Variants in NCKAP1L observed in about 807,000 individuals in gnomAD.
The protein encoded by NCKAP1L is nck-associated protein 1-like.
A neutral mutation model predicts 139.2 loss-of-function variants in NCKAP1L; 53 were observed. That is an observed-to-expected ratio of 0.38 (90% CI 0.31 to 0.48). NCKAP1L has a LOEUF of 0.48. Among genes scored for constraint, NCKAP1L ranks in the 20% least tolerant of loss-of-function variants. NCKAP1L has a pLI of 0.98. For missense variants in NCKAP1L, 1,151 were observed against 1,381.9 expected, an observed-to-expected ratio of 0.83 and a Z score of 2.65; for synonymous variants, 468 against 499.7, an observed-to-expected ratio of 0.94 and a Z score of 0.85.
chr12:54,521,912 G>T (rs936557572), intron 18 of NCKAP1L, among the ~76,000 whole-genome samples: 5 of 151,904 alleles, frequency 3.3e-5, no homozygotes, highest in African/African-American at 1.2e-4. Flanking sequence ...GTGTGTGTGT[G>T]TGTATACAGA....
In NCKAP1L at chr12:54,531,426, G is replaced by T. The variant is rs144700335; in HGVS notation, c.2605-65G>T. The T allele has an allele frequency of 6.0e-4, 971 of 1,606,378 alleles. 7 individuals carry two copies. The highest frequency in any genetic ancestry group is 1.4e-3 in the South Asian group (129 of 90,864). The stretch of plus-strand genomic sequence containing the variant: ...GAAAGAGGGTGGGTATAGGAGACTG[G>T]GGGGGAAGATGTAACATTGGTCTCT... On this transcript the variant is annotated intron_variant, in intron 23 of 30. Transcript: ENST00000293373.
intron 30 of NCKAP1L, 124 bp downstream of exon 30, chr12:54,539,097 C>T (rs1287755036): frequency 2.8e-6 from 2 of 721,800 alleles, no homozygotes; most frequent in African/African-American, 1.8e-5. Context: ...GGACTTAACT[C>T]TGCATAACCC....
chr12:54,524,016 C>A, intron 20 of NCKAP1L, 60 bp downstream of exon 20: 2 of 1,548,546 alleles, frequency 1.3e-6, no homozygotes, highest in Non-Finnish European at 8.8e-7. Flanking sequence ...CCATATACCT[C>A]TATGTGTAGT....
intron 21 of NCKAP1L, 34 bp from the exon 22 acceptor site, chr12:54,528,213 A>G: frequency 6.2e-7 from 1 of 1,610,108 alleles, no homozygotes; most frequent in South Asian, 1.1e-5. Context: ...AAGGGATTGG[A>G]TCCTAATCTA....
chr12:54,500,767 T>A (rs1158614787), intron 3 of NCKAP1L, 142 bp downstream of exon 3: 1 of 629,994 alleles, frequency 1.6e-6, no homozygotes, highest in East Asian at 2.8e-5. Context: ...TAAGTTGTAT[T>A]GTTAAATGAA....
At position 54,547,443 on chromosome 12, in the gene NCKAP1L, A is replaced by G. The variant is rs1351256270; in HGVS notation, c.*4758A>G. 2 of 151,934 alleles carry G rather than the reference A, an allele frequency of 1.3e-5. No individual in the cohort carries two copies. Among genetic ancestry groups the G allele is most frequent in the Admixed American group, 1.3e-4 (2 of 15,244 alleles). The allele number at this position is 151,934 out of a possible 1,614,324, so 9.4% of individuals were successfully genotyped here. A position where few individuals can be genotyped will look rare whatever the true frequency, so the allele number is the denominator to read the frequency against. ...ATGAAGTTTTCCCATTTATTAAATG[A>G]AGGGAATTAGAGTGGATGAACTCTA... On this transcript the variant is annotated 3_prime_UTR_variant, in exon 31 of 31. Transcript: ENST00000293373.
In NCKAP1L at chr12:54,512,165, C is replaced by CT. The variant is rs1956894231; in HGVS notation, c.941+65dup. The CT allele has an allele frequency of 2.6e-6, 4 of 1,550,942 alleles. No homozygotes were observed. In the Admixed American group the frequency reaches 5.3e-5, roughly 21 times the overall value. On this transcript the variant is annotated intron_variant, in intron 9 of 30. Coordinates refer to ENST00000293373, the MANE Select transcript of NCKAP1L (RefSeq NM_005337.5). Reference sequence around the variant, plus strand: ...AATAGTTTTTAGCCCCTCCAATATCCTTTTTCAGTCTCCACAAGTGTTCCC... The same window carrying CT: ...AATAGTTTTTAGCCCCTCCAATATCCTTTTTTCAGTCTCCACAAGTGTTCCC...
chr12:54,542,404 A>G (rs1957164954), intron 30 of NCKAP1L, among the ~76,000 whole-genome samples, 171 bp from the exon 31 acceptor site: 1 of 152,064 alleles, frequency 6.6e-6, no homozygotes, highest in Non-Finnish European at 1.5e-5. Context: ...AAGATGCCAC[A>G]TTGCCTTCCT....
At chr12:54,526,790 C>T (rs765582216) in intron 21 of NCKAP1L, 44 bp downstream of exon 21, 1 of 1,550,320 alleles carries the variant, frequency 6.5e-7, no homozygotes, top group Non-Finnish European at 8.8e-7. Context: ...TTTGTGTTGG[C>T]ACTTTTTCCT....
chr12:54,510,841 A>G (rs916086462), intron 7 of NCKAP1L, among the ~76,000 whole-genome samples: 21 of 151,896 alleles, frequency 1.4e-4, no homozygotes, highest in Admixed American at 9.2e-4. Flanking sequence ...TTTTGTAGAG[A>G]CGAGGTATCA....
At chr12:54,541,479 G>A (rs1335972804) in intron 30 of NCKAP1L, among the ~76,000 whole-genome samples, 1 of 152,114 alleles carries the variant, frequency 6.6e-6, no homozygotes, top group Non-Finnish European at 1.5e-5. Flanking sequence ...CTCTTTCCCA[G>A]CTGAGGGCTT....
chr12:54,543,774 C>T lies in NCKAP1L; in HGVS notation c.*1089C>T, dbSNP rs1413420123. On this transcript the variant is annotated 3_prime_UTR_variant, in exon 31 of 31. Transcript: ENST00000293373. ...AGCACTAAACTAGGTTTACTTAACT[C>T]CTTGGCAGGAAATAGTGGCCCCCAT... 4 of 152,172 alleles carry T rather than the reference C, an allele frequency of 2.6e-5. No individual in the cohort carries two copies. The highest frequency in any genetic ancestry group is 4.4e-5 in the Non-Finnish European group (3 of 68,038). The allele number at this position is 152,172 out of a possible 1,614,324, so 9.4% of individuals were successfully genotyped here. A position where few individuals can be genotyped will look rare whatever the true frequency, so the allele number is the denominator to read the frequency against.
At chr12:54,534,093 G>A (rs569770929) in intron 26 of NCKAP1L, among the ~76,000 whole-genome samples, 2 of 152,284 alleles carry the variant, frequency 1.3e-5, no homozygotes, top group African/African-American at 2.4e-5. Context: ...TCAGCATTAT[G>A]TTAAACACTA....
chr12:54,532,179 T>C lies in NCKAP1L; in HGVS notation c.2791T>C (p.Ser931Pro). The C allele has an allele frequency of 6.2e-7, 1 of 1,612,484 alleles. No individual in the cohort carries two copies. The highest frequency in any genetic ancestry group is 1.1e-5 in the South Asian group (1 of 90,938). Residue 931 changes from serine (S) to proline (P), a missense_variant, in exon 26 of 31, where the codon TCC (serine) becomes CCC (proline). Coordinates refer to ENST00000293373, the MANE Select transcript of NCKAP1L (RefSeq NM_005337.5). ...CTTCTCTTTCCTCCAGGTTTTCTCC[T>C]CCCACTGCCCATTTCTTATGGGTCC... ...AQEGLREVFS[S>P]HCPFLMGPIE...
Position 54,531,560 on chromosome 12 carries a change from G to A in NCKAP1L, c.2674G>A (p.Ala892Thr). 1 of 1,614,188 alleles carries A rather than the reference G, an allele frequency of 6.2e-7. No individual in the cohort carries two copies. Among genetic ancestry groups the A allele is most frequent in the South Asian group, 1.1e-5 (1 of 91,086 alleles). The change falls in exon 24 of 31, where the codon GCT becomes ACT. Residue 892 changes from alanine (A) to threonine (T), a missense_variant. Physicochemically the swap from Ala to Thr is moderately conservative, Grantham distance 58 (BLOSUM62 0). Coordinates refer to ENST00000293373, the MANE Select transcript of NCKAP1L (RefSeq NM_005337.5). ...CAACTTTAGCAAGCCGGACTTGATG[G>A]CTTCCCTGCTGCCCCAGCTGACAGG... Reference protein sequence around the residue: ...RSNFSKPDLMASLLPQLTGAE... With the variant: ...RSNFSKPDLMTSLLPQLTGAE...
At chr12:54,541,032 C>T (rs1224069134) in intron 30 of NCKAP1L, among the ~76,000 whole-genome samples, 1 of 152,198 alleles carries the variant, frequency 6.6e-6, no homozygotes, top group African/African-American at 2.4e-5. Context: ...CACTTCTGTC[C>T]CCAGAGTCTT....
chr12:54,517,647 G>A lies in NCKAP1L; in HGVS notation c.1205+5G>A. 4 of 1,607,324 alleles carry A rather than the reference G, an allele frequency of 2.5e-6. No homozygotes were observed. Among genetic ancestry groups the A allele is most frequent in the Non-Finnish European group, 3.4e-6 (4 of 1,173,800 alleles). The stretch of plus-strand genomic sequence containing the variant: ...ACCTGAGGACTATGCTGACTCGTTA[G>A]TACTTGACATGGCTAAGAACCTTGT... On this transcript the variant is annotated splice_donor_5th_base_variant and intron_variant, in intron 12 of 30. Coordinates refer to ENST00000293373, the MANE Select transcript of NCKAP1L (RefSeq NM_005337.5).
At chr12:54,501,533 C>T (rs1956798102) in intron 3 of NCKAP1L, among the ~76,000 whole-genome samples, 1 of 149,474 alleles carries the variant, frequency 6.7e-6, no homozygotes, top group Non-Finnish European at 1.5e-5. Flanking sequence ...GAGTTAGGGT[C>T]TCACTCTGTT....
At position 54,542,580 on chromosome 12, in the gene NCKAP1L, G is replaced by A; in HGVS notation, c.3279G>A (p.Val1093=). ...CTTGGCCCCATCTCTTTCAGGTGGT[G>A]GAGGAGTCATCCTTCCTGACCCTGG... is the stretch of plus-strand genomic sequence containing the variant. ...ESISLLMRLV[V]EESSFLTLDM... The change falls in exon 31 of 31, where the codon GTG becomes GTA. Residue 1093 remains valine, a synonymous_variant. Coordinates refer to ENST00000293373, the MANE Select transcript of NCKAP1L (RefSeq NM_005337.5). The A allele has an allele frequency of 6.2e-7, 1 of 1,612,516 alleles. No homozygotes were observed. The highest frequency in any genetic ancestry group is 8.5e-7 in the Non-Finnish European group (1 of 1,178,490).
Sources: allele counts gnomAD v4.1 joint callset (sites outside exome capture counted in the v4.1 genomes callset), GRCh38; gene constraint gnomAD v4.1.1; transcripts MANE v1.5; gene names NCBI Gene and HGNC (gene_info 2026-07-23, HGNC 2026-07-21).